Variants in RNF150 observed in about 807,000 individuals in gnomAD.
RNF150 encodes the protein ring finger protein 150.
Under a neutral mutation model 39.3 loss-of-function variants are expected in RNF150, and 24 were observed. The observed-to-expected ratio is 0.61, with a 90% CI of 0.44 to 0.86. The LOEUF (loss-of-function observed/expected upper bound fraction) is 0.86, where lower values mean the gene tolerates loss of function less well. Among genes scored for constraint, RNF150 ranks in the 40% least tolerant of loss-of-function variants. The pLI is 0.00. For missense variants in RNF150, 502 were observed against 587.8 expected (o/e 0.85, Z 1.51); for synonymous variants, 255 against 227.3 (o/e 1.12, Z -1.10).
chr4:140,999,454 G>A (rs1267205047), intron 1 of RNF150, among the ~76,000 whole-genome samples: 1 of 152,166 alleles, frequency 6.6e-6, no homozygotes, highest in African/African-American at 2.4e-5. Flanking sequence ...ATCATCAAGG[G>A]TTTACATGAT....
intron 1 of RNF150, among the ~76,000 whole-genome samples, chr4:140,971,451 T>C (rs150153260): frequency 8.8e-4 from 134 of 152,326 alleles, no homozygotes; most frequent in African/African-American, 3.1e-3. Flanking sequence ...TGGGCAATTC[T>C]ATTTACTGTG....
Position 140,868,235 on chromosome 4 carries a change from A to G in RNF150, c.*26T>C. 1 of 1,314,640 alleles carries G rather than the reference A, an allele frequency of 7.6e-7. No homozygotes were observed. The highest frequency in any genetic ancestry group is 1.1e-6 in the Non-Finnish European group (1 of 907,014). 81.4% of individuals were successfully genotyped at this position (1,314,640 alleles called of 1,614,324 possible). On this transcript the variant is annotated 3_prime_UTR_variant, in exon 7 of 7. Coordinates refer to ENST00000515673, the MANE Select transcript of RNF150 (RefSeq NM_020724.2). ...CCCTTCCTTTCCCTTGGGTCCTACT[A>G]TCTCTTTGCTTCTGGATTTGTCGTT...
chr4:141,171,460 A>AAGAGAGAGAG (rs67118049), intron 1 of RNF150, among the ~76,000 whole-genome samples: 1 of 148,820 alleles, frequency 6.7e-6, no homozygotes, highest in African/African-American at 2.5e-5. Flanking sequence ...GACAGACAGA[A>AAGAGAGAGAG]AGAGAGAGAG....
chr4:140,860,303 CAGA>C lies in RNF150; in HGVS notation c.*7955_*7957del, dbSNP rs1728434957. 6.6e-6 allele frequency: 1 copy of C among 152,118 alleles called. No homozygotes were observed. The highest frequency in any genetic ancestry group is 6.5e-5 in the Admixed American group (1 of 15,274). The allele number at this position is 152,118 out of a possible 1,614,324, so 9.4% of individuals were successfully genotyped here. A position where few individuals can be genotyped will look rare whatever the true frequency, so the allele number is the denominator to read the frequency against. On this transcript the variant is annotated 3_prime_UTR_variant, in exon 7 of 7. Transcript: ENST00000515673. ...ATCTCAATATGCACACAACTTTGTA[CAGA>C]AGATTAGTTTTGGGTAAAAACGCTA...
intron 1 of RNF150, among the ~76,000 whole-genome samples, chr4:141,044,683 C>G (rs1274684047): frequency 6.6e-6 from 1 of 152,036 alleles, no homozygotes; most frequent in African/African-American, 2.4e-5. Flanking sequence ...GCCAGGTACC[C>G]CCTCAACTAG....
intron 2 of RNF150, among the ~76,000 whole-genome samples, chr4:140,963,178 T>G: frequency 6.6e-6 from 1 of 152,110 alleles, no homozygotes; most frequent in Non-Finnish European, 1.5e-5. Context: ...AATAAAAATG[T>G]TTTTAAACAT....
chr4:140,981,239 G>T lies in RNF150; in HGVS notation c.485-13366C>A, dbSNP rs557149481. ...CATGATTGGGACCAGAAGTGTTTCAGATTTTGGAATTTTTCAGATTTTGAA... is the reference window on the plus strand; with the variant it reads ...CATGATTGGGACCAGAAGTGTTTCATATTTTGGAATTTTTCAGATTTTGAA... On this transcript the variant is annotated intron_variant, in intron 1 of 6. Transcript: ENST00000515673. Among the ~76,000 whole-genome samples the T allele has an allele frequency of 4.6e-5, 7 of 152,216 alleles. No homozygotes were observed. The South Asian group carries it at 1.0e-3, about 23-fold the overall frequency.
chr4:141,112,171 T>C (rs1334679515), intron 1 of RNF150, among the ~76,000 whole-genome samples: 10 of 152,030 alleles, frequency 6.6e-5, no homozygotes, highest in Admixed American at 6.6e-4. Flanking sequence ...TACAGAAGAG[T>C]CTTTATCCAA....
chr4:140,906,649 C>T (rs1446618188), intron 6 of RNF150, among the ~76,000 whole-genome samples: 3 of 152,120 alleles, frequency 2.0e-5, no homozygotes, highest in African/African-American at 7.2e-5. Context: ...TTTCAACTGG[C>T]CAAGTTTTTG....
At chr4:141,201,237 A>G (rs1728285828) in intron 1 of RNF150, among the ~76,000 whole-genome samples, 1 of 152,196 alleles carries the variant, frequency 6.6e-6, no homozygotes, top group African/African-American at 2.4e-5. Flanking sequence ...TTGATATACA[A>G]TTACTATAAA....
chr4:141,024,656 T>A (rs1466145550), intron 1 of RNF150, among the ~76,000 whole-genome samples: 1 of 152,146 alleles, frequency 6.6e-6, no homozygotes, highest in African/African-American at 2.4e-5. Context: ...GTGAAAAGTG[T>A]GCGGGTGGCA....
chr4:141,000,065 GAA>G lies in RNF150; in HGVS notation c.485-32194_485-32193del, dbSNP rs1560679455. Among the ~76,000 whole-genome samples the G allele has an allele frequency of 2.5e-4, 25 of 100,678 alleles. 4 individuals carry two copies. Among genetic ancestry groups the G allele is most frequent in the African/African-American group, 9.4e-4 (25 of 26,510 alleles). The allele number at this position is 100,678 out of a possible 152,430, so 66.0% of individuals were successfully genotyped here. ...AGAAGAAGAAGAAGAAGAAGAAGAAGAAGAAGAAGAAGAAGAAGAAGGAGAAG... is the reference window on the plus strand; with the variant it reads ...AGAAGAAGAAGAAGAAGAAGAAGAAGGAAGAAGAAGAAGAAGAAGGAGAAG... On this transcript the variant is annotated intron_variant, in intron 1 of 6. Coordinates refer to ENST00000515673, the MANE Select transcript of RNF150 (RefSeq NM_020724.2).
intron 1 of RNF150, among the ~76,000 whole-genome samples, chr4:141,003,159 A>C (rs538450212): frequency 6.6e-6 from 1 of 152,298 alleles, no homozygotes; most frequent in East Asian, 1.9e-4. Flanking sequence ...AGAGGTAAAA[A>C]TAATGAATAA....
chr4:140,991,133 A>G (rs899288346), intron 1 of RNF150, among the ~76,000 whole-genome samples: 1 of 152,038 alleles, frequency 6.6e-6, no homozygotes, highest in African/African-American at 2.4e-5. Flanking sequence ...TGTTGACCAC[A>G]TGTATGTCTT....
At chr4:141,023,421 T>G (rs1578641936) in intron 1 of RNF150, among the ~76,000 whole-genome samples, 1 of 34,902 alleles carries the variant, frequency 2.9e-5, no homozygotes, top group South Asian at 2.0e-3. Flanking sequence ...ACTTTTCATA[T>G]TTTTTTTTTT....
intron 1 of RNF150, among the ~76,000 whole-genome samples, chr4:141,201,659 C>T (rs918730556): frequency 2.6e-5 from 4 of 152,082 alleles, no homozygotes; most frequent in South Asian, 2.1e-4. Flanking sequence ...GCCTCAAGGA[C>T]CTCTTAAATC....
chr4:141,069,783 T>C (rs1560720646), intron 1 of RNF150, among the ~76,000 whole-genome samples: 1 of 152,118 alleles, frequency 6.6e-6, no homozygotes, highest in African/African-American at 2.4e-5. Flanking sequence ...CCTGGTTTAG[T>C]CTTGGGAGAC....
chr4:141,000,348 T>C (rs1251092502), intron 1 of RNF150, among the ~76,000 whole-genome samples: 1 of 152,200 alleles, frequency 6.6e-6, no homozygotes, highest in Non-Finnish European at 1.5e-5. Context: ...ATAAATATAT[T>C]CTAGATTTCT....
intron 1 of RNF150, among the ~76,000 whole-genome samples, chr4:141,185,274 T>G (rs1727983666): frequency 6.6e-6 from 1 of 152,158 alleles, no homozygotes; most frequent in Non-Finnish European, 1.5e-5. Context: ...CCTAGGTATT[T>G]TATTCTCTTT....
Sources: gnomAD v4.1 joint callset for allele counts (sites outside exome capture counted in the v4.1 genomes callset) on GRCh38, gnomAD v4.1.1 for gene constraint, MANE v1.5 for transcripts, NCBI Gene and HGNC (gene_info 2026-07-23, HGNC 2026-07-21) for gene names.